Variants in AFF3 observed in about 807,000 individuals in gnomAD.
The protein encoded by AFF3 is ALF transcription elongation factor 3, also known as AF4/FMR2 family member 3.
Under a neutral mutation model 129.7 loss-of-function variants are expected in AFF3, and 32 were observed. The ratio of observed to expected loss-of-function variants is 0.25; its 90% CI spans 0.19 to 0.33. AFF3 has a LOEUF of 0.33. Ranked by LOEUF, AFF3 falls within the 10% of genes least tolerant of loss-of-function variation. The pLI, the probability that AFF3 is intolerant of heterozygous loss-of-function variation, is 1.00. For missense variants in AFF3, 1,373 were observed against 1,592.0 expected, an observed-to-expected ratio of 0.86 and a Z score of 2.34; for synonymous variants, 644 against 635.4, an observed-to-expected ratio of 1.01 and a Z score of -0.20.
At chr2:99,882,280 G>A (rs1379708226) in intron 7 of AFF3, among the ~76,000 whole-genome samples, 1 of 152,146 alleles carries the variant, frequency 6.6e-6, no homozygotes, top group Non-Finnish European at 1.5e-5. Context: ...TCTGCACAAG[G>A]GGGTTTCAAA....
At chr2:99,892,118 G>A (rs560237202) in intron 7 of AFF3, among the ~76,000 whole-genome samples, 54 of 152,234 alleles carry the variant, frequency 3.5e-4, no homozygotes, top group Non-Finnish European at 7.1e-4. Flanking sequence ...CACCACACCC[G>A]GCCAAAGCCC....
At chr2:99,924,090 T>C (rs932030450) in intron 7 of AFF3, among the ~76,000 whole-genome samples, 6 of 152,048 alleles carry the variant, frequency 3.9e-5, no homozygotes, top group Non-Finnish European at 8.8e-5. Context: ...TTCTCCAACT[T>C]AAGCTATTCC....
intron 10 of AFF3, among the ~76,000 whole-genome samples, chr2:99,729,518 C>T (rs532100068): frequency 1.6e-4 from 25 of 152,128 alleles, no homozygotes; most frequent in African/African-American, 4.8e-4. Flanking sequence ...TGGTCAGGAA[C>T]GAGATGGGAT....
At chr2:99,965,966 CAT>C (rs1677702016) in intron 7 of AFF3, among the ~76,000 whole-genome samples, 1 of 152,144 alleles carries the variant, frequency 6.6e-6, no homozygotes, top group South Asian at 2.1e-4. Flanking sequence ...ATATACTATA[CAT>C]GAGATTTTTA....
At chr2:99,666,928 G>T (rs951197436) in intron 12 of AFF3, among the ~76,000 whole-genome samples, 1 of 151,912 alleles carries the variant, frequency 6.6e-6, no homozygotes, top group Non-Finnish European at 1.5e-5. Context: ...ATAGAAAGAA[G>T]AAATAAACAA....
At chr2:99,956,673 A>T (rs1194545330) in intron 7 of AFF3, among the ~76,000 whole-genome samples, 1 of 152,230 alleles carries the variant, frequency 6.6e-6, no homozygotes, top group African/African-American at 2.4e-5. Context: ...CACTAAAGAA[A>T]TTCCAGAGAC....
intron 7 of AFF3, among the ~76,000 whole-genome samples, chr2:99,938,366 T>C (rs1213959423): frequency 6.6e-6 from 1 of 152,118 alleles, no homozygotes; most frequent in Non-Finnish European, 1.5e-5. Context: ...GTACCTGACA[T>C]GGTTGTGGTA....
chr2:99,615,108 G>A (rs979708580), intron 13 of AFF3, among the ~76,000 whole-genome samples: 3 of 152,218 alleles, frequency 2.0e-5, no homozygotes, highest in Admixed American at 2.0e-4. Context: ...ATGGGGCAGA[G>A]CCCTCTAGCC....
At chr2:99,942,547 C>CGGGGG (rs56988005) in intron 7 of AFF3, among the ~76,000 whole-genome samples, 1 of 59,302 alleles carries the variant, frequency 1.7e-5, no homozygotes, top group Non-Finnish European at 4.2e-5. Context: ...GGGGGAGGGG[C>CGGGGG]GGGGGGGGGG....
At chr2:99,705,530 C>T (rs1677278332) in intron 11 of AFF3, among the ~76,000 whole-genome samples, 1 of 152,002 alleles carries the variant, frequency 6.6e-6, no homozygotes. Context: ...TAGGATGCTG[C>T]TCCAAATGAA....
At chr2:100,001,266 T>G (rs768493492) in intron 7 of AFF3, among the ~76,000 whole-genome samples, 8 of 152,214 alleles carry the variant, frequency 5.3e-5, no homozygotes, top group Non-Finnish European at 7.3e-5. Flanking sequence ...GATATAAGTC[T>G]GAAGGAGCCC....
At position 99,652,618 on chromosome 2, in the gene AFF3, G is replaced by A. The variant is rs78017062; in HGVS notation, c.1144-2952C>T. Among the ~76,000 whole-genome samples the A allele has an allele frequency of 2.0e-3, 301 of 152,202 alleles. 6 individuals carry two copies. The East Asian group carries it at 0.049, about 25-fold the overall frequency. ...GGAAAACCATCTAGTGTGTTGAGCCGGGGTTGGAGAGTCCGACATTCTGGG... is the reference window on the plus strand; with the variant it reads ...GGAAAACCATCTAGTGTGTTGAGCCAGGGTTGGAGAGTCCGACATTCTGGG... On this transcript the variant is annotated intron_variant, in intron 12 of 24. Coordinates refer to ENST00000672756, the MANE Select transcript of AFF3 (RefSeq NM_001386135.1).
At chr2:99,569,017 TCTG>T in intron 18 of AFF3, 102 bp from the exon 19 acceptor site, 1 of 1,135,546 alleles carries the variant, frequency 8.8e-7, no homozygotes. Context: ...ATTTAAAAAC[TCTG>T]CTTAATGCGG....
At chr2:99,593,079 T>C (rs1678879756) in intron 15 of AFF3, 116 bp downstream of exon 15, 2 of 1,240,420 alleles carry the variant, frequency 1.6e-6, no homozygotes, top group African/African-American at 1.5e-5. Flanking sequence ...ACAAAACTCC[T>C]GCGGCAGCCT....
intron 12 of AFF3, among the ~76,000 whole-genome samples, chr2:99,650,684 G>C (rs1361729490): frequency 6.6e-6 from 1 of 152,088 alleles, no homozygotes; most frequent in Non-Finnish European, 1.5e-5. Flanking sequence ...GATGAGCACA[G>C]GGCAGGTTCT....
At chr2:99,597,138 C>T (rs1374819047) in intron 14 of AFF3, among the ~76,000 whole-genome samples, 3 of 152,282 alleles carry the variant, frequency 2.0e-5, no homozygotes, top group Middle Eastern at 3.4e-3. Flanking sequence ...GCACAGCTAC[C>T]GGGCTCTACG....
intron 2 of AFF3, among the ~76,000 whole-genome samples, chr2:100,127,805 G>A (rs1048585107): frequency 1.2e-4 from 18 of 152,176 alleles, no homozygotes; most frequent in South Asian, 2.1e-4. Flanking sequence ...TGTCAGAGGC[G>A]TGTGAACCAG....
chr2:99,752,358 C>A, intron 8 of AFF3, 57 bp from the exon 9 acceptor site: 1 of 1,472,184 alleles, frequency 6.8e-7, no homozygotes, highest in East Asian at 2.3e-5. Context: ...TTAAAATCAG[C>A]GGTATGTAAA....
intron 7 of AFF3, among the ~76,000 whole-genome samples, chr2:99,954,146 C>T (rs1432312351): frequency 2.0e-5 from 3 of 151,798 alleles, no homozygotes; most frequent in African/African-American, 2.4e-5. Context: ...TAAGTACTAC[C>T]AACAGAGGGT....
Sources: allele counts gnomAD v4.1 joint callset (sites outside exome capture counted in the v4.1 genomes callset), GRCh38; gene constraint gnomAD v4.1.1; transcripts MANE v1.5; gene names NCBI Gene and HGNC (gene_info 2026-07-23, HGNC 2026-07-21).